TUSC3: variants seen among roughly 807,000 people sequenced by gnomAD.
TUSC3 encodes the protein tumor suppressor candidate 3.
Under a neutral mutation model 44.8 loss-of-function variants are expected in TUSC3, and 45 were observed. The observed-to-expected ratio is 1.00, with a 90% confidence interval of 0.79 to 1.29. The LOEUF is 1.29. Ranked by LOEUF, TUSC3 falls within the 50% of genes most tolerant of loss-of-function variation. TUSC3 has a pLI of 0.00. For missense variants in TUSC3, 519 were observed against 437.9 expected (o/e 1.19, Z -1.65); for synonymous variants, 212 against 152.9 (o/e 1.39, Z -2.85).
At chr8:15,515,490 A>G (rs1020429848) in intron 2 of TUSC3, among the ~76,000 whole-genome samples, 5 of 152,140 alleles carry the variant, frequency 3.3e-5, no homozygotes, top group Admixed American at 3.3e-4. Context: ...GACTCTAGCA[A>G]ATGACTGACG....
chr8:15,711,421 C>T lies in TUSC3; in HGVS notation c.799-19245C>T, dbSNP rs186189111. On this transcript the variant is annotated intron_variant, in intron 6 of 10. Transcript: ENST00000503731. ...TACTTTTTCTAAACCAAAAACTTATCTCAGAAAAGAGGTTACCAGGTTTTA... is the reference window on the plus strand; with the variant it reads ...TACTTTTTCTAAACCAAAAACTTATTTCAGAAAAGAGGTTACCAGGTTTTA... Among the ~76,000 whole-genome samples the T allele has an allele frequency of 4.2e-3, 627 of 150,326 alleles. 5 individuals are homozygous for T. Among genetic ancestry groups the T allele is most frequent in the African/African-American group, 0.014 (593 of 41,220 alleles).
chr8:15,759,997 G>A (rs190038031), intron 10 of TUSC3, among the ~76,000 whole-genome samples: 2 of 152,102 alleles, frequency 1.3e-5, no homozygotes, highest in Non-Finnish European at 2.9e-5. Flanking sequence ...GCTGTCTTGA[G>A]TACCTTGTGT....
At chr8:15,795,887 G>A in the TUSC3 span, among the ~76,000 whole-genome samples, 450 of 152,298 alleles carry the variant, frequency 3.0e-3, 2 homozygotes, top group Middle Eastern at 6.8e-3. Context: ...GAGAGCATTT[G>A]TCTACCCCCC....
intron 1 of TUSC3, among the ~76,000 whole-genome samples, chr8:15,473,908 A>T (rs73534261): frequency 3.3e-5 from 5 of 152,104 alleles, no homozygotes; most frequent in Non-Finnish European, 2.9e-5. Flanking sequence ...TCTGATGTCA[A>T]ATTTACCAGG....
At chr8:15,771,303 A>T (rs2721234), downstream of TUSC3, among the ~76,000 whole-genome samples, 1 of 152,162 alleles carries the variant, frequency 6.6e-6, no homozygotes, top group Non-Finnish European at 1.5e-5. Flanking sequence ...TCAATTTCCT[A>T]TTATAATCCC....
chr8:15,505,299 G>C (rs992018344), intron 2 of TUSC3, among the ~76,000 whole-genome samples: 1 of 152,130 alleles, frequency 6.6e-6, no homozygotes, highest in Non-Finnish European at 1.5e-5. Context: ...TTGTCAAAAA[G>C]AAAAAAACCC....
chr8:15,419,326 T>G (rs1281853970), intron 1 of TUSC3, among the ~76,000 whole-genome samples: 3 of 152,230 alleles, frequency 2.0e-5, no homozygotes, highest in Non-Finnish European at 4.4e-5. Context: ...TTGCAGTACT[T>G]CAGCTGTTGC....
intron 1 of TUSC3, among the ~76,000 whole-genome samples, chr8:15,543,527 T>C (rs1191777064): frequency 6.6e-6 from 1 of 152,076 alleles, no homozygotes; most frequent in African/African-American, 2.4e-5. Flanking sequence ...AAAATATAAA[T>C]ATAATACCCA....
At chr8:15,718,399 T>G (rs562185804) in intron 6 of TUSC3, among the ~76,000 whole-genome samples, 1 of 152,072 alleles carries the variant, frequency 6.6e-6, no homozygotes. Flanking sequence ...GAAAGATAAA[T>G]TTGTTTGCAT....
upstream of TUSC3, among the ~76,000 whole-genome samples, chr8:15,539,498 G>T (rs116989449): frequency 1.3e-5 from 2 of 151,368 alleles, no homozygotes; most frequent in African/African-American, 2.4e-5. Context: ...ACTGCAAGGC[G>T]CTCCACCATG....
At chr8:15,599,929 A>G (rs1439099623) in intron 1 of TUSC3, among the ~76,000 whole-genome samples, 3 of 151,774 alleles carry the variant, frequency 2.0e-5, no homozygotes, top group East Asian at 1.9e-4. Flanking sequence ...TTTGTCTATC[A>G]TCACTTATTA....
At chr8:15,726,096 G>C (rs1325049701) in intron 6 of TUSC3, among the ~76,000 whole-genome samples, 2 of 152,088 alleles carry the variant, frequency 1.3e-5, no homozygotes, top group African/African-American at 2.4e-5. Context: ...TTTACCACTA[G>C]CACAATTTAA....
At chr8:15,647,464 T>C (rs951681495) in intron 2 of TUSC3, among the ~76,000 whole-genome samples, 1 of 152,266 alleles carries the variant, frequency 6.6e-6, no homozygotes, top group South Asian at 2.1e-4. Flanking sequence ...TCTAGCTGTT[T>C]CTGATTTTAA....
At chr8:15,564,466 C>CT (rs1268543959) in intron 1 of TUSC3, among the ~76,000 whole-genome samples, 2 of 152,128 alleles carry the variant, frequency 1.3e-5, no homozygotes, top group African/African-American at 2.4e-5. Context: ...TACTTAACAT[C>CT]TTTTTAATAC....
At chr8:15,733,781 G>A (rs1810820646) in intron 7 of TUSC3, 1 of 153,164 alleles carries the variant, frequency 6.5e-6, no homozygotes, top group African/African-American at 2.4e-5. Flanking sequence ...TCCAGGCACA[G>A]TGGTTCATGC....
intron 1 of TUSC3, among the ~76,000 whole-genome samples, chr8:15,436,172 G>A (rs1246035369): frequency 6.6e-6 from 1 of 152,178 alleles, no homozygotes; most frequent in Non-Finnish European, 1.5e-5. Flanking sequence ...CTCAAAGAGA[G>A]TGGTCTGAGA....
the TUSC3 span, among the ~76,000 whole-genome samples, chr8:15,788,502 G>C: frequency 6.8e-6 from 1 of 147,996 alleles, no homozygotes; most frequent in African/African-American, 2.5e-5. Flanking sequence ...AGCCGAGATT[G>C]TGCCACTGCA....
chr8:15,461,142 G>A (rs894548766), intron 1 of TUSC3, among the ~76,000 whole-genome samples: 1 of 152,132 alleles, frequency 6.6e-6, no homozygotes, highest in African/African-American at 2.4e-5. Context: ...TCACAGTACT[G>A]ACTCTACCCA....
chr8:15,530,573 G>A (rs759089169), intron 2 of TUSC3, among the ~76,000 whole-genome samples: 9 of 152,174 alleles, frequency 5.9e-5, no homozygotes, highest in Non-Finnish European at 1.3e-4. Flanking sequence ...AGCAAGGAAT[G>A]CAGCTCCAGG....
Sources: allele counts gnomAD v4.1 joint callset (sites outside exome capture counted in the v4.1 genomes callset), GRCh38; gene constraint gnomAD v4.1.1; transcripts MANE v1.5; gene names NCBI Gene and HGNC (gene_info 2026-07-23, HGNC 2026-07-21).